The following PDGFD variants were observed in gnomAD, a reference collection of about 807,000 sequenced individuals.
PDGFD encodes the protein platelet derived growth factor D, also known as platelet-derived growth factor D.
A neutral mutation model predicts 44.7 loss-of-function variants in PDGFD; 30 were observed. The ratio of observed to expected loss-of-function variants is 0.67; its 90% confidence interval spans 0.50 to 0.91. The LOEUF is 0.91. PDGFD is among the 40% of genes least tolerant of loss of function. The probability of loss-of-function intolerance (pLI) is 0.00; values close to 1 mark genes in which losing one functional copy is unlikely to be tolerated. For synonymous variants in PDGFD, 173 were observed against 168.4 expected, an observed-to-expected ratio of 1.03 and a Z score of -0.21; for missense variants, 445 against 457.8, an observed-to-expected ratio of 0.97 and a Z score of 0.25.
intron 1 of PDGFD, among the ~76,000 whole-genome samples, chr11:104,055,966 TAAAAAAC>T (rs1254557244): frequency 6.6e-6 from 1 of 152,098 alleles, no homozygotes; most frequent in Non-Finnish European, 1.5e-5. Flanking sequence ...ACAGGCCTAA[TAAAAAAC>T]AAAAATCAAT....
intron 6 of PDGFD, among the ~76,000 whole-genome samples, chr11:103,913,510 A>C (rs1251184734): frequency 6.6e-6 from 1 of 152,374 alleles, no homozygotes; most frequent in East Asian, 1.9e-4. Flanking sequence ...CAGTGTGTAG[A>C]GGGAAATTTA....
At chr11:103,934,373 G>A (rs1858454571) in intron 5 of PDGFD, among the ~76,000 whole-genome samples, 1 of 152,144 alleles carries the variant, frequency 6.6e-6, no homozygotes, top group Non-Finnish European at 1.5e-5. Flanking sequence ...TTCTGTAATT[G>A]GTGATTACTA....
At chr11:104,140,198 G>T (rs1050004809) in intron 1 of PDGFD, among the ~76,000 whole-genome samples, 18 of 152,154 alleles carry the variant, frequency 1.2e-4, no homozygotes, top group African/African-American at 4.1e-4. Flanking sequence ...TTGAATATCA[G>T]AACAAATATA....
At chr11:103,923,377 T>C (rs949478827) in intron 6 of PDGFD, among the ~76,000 whole-genome samples, 1 of 152,136 alleles carries the variant, frequency 6.6e-6, no homozygotes, top group African/African-American at 2.4e-5. Flanking sequence ...AAAAAAGCAA[T>C]ATTAGCTTCG....
At chr11:104,096,778 G>A (rs1204397979) in intron 1 of PDGFD, among the ~76,000 whole-genome samples, 2 of 152,130 alleles carry the variant, frequency 1.3e-5, no homozygotes, top group Non-Finnish European at 2.9e-5. Context: ...GGTGTAGAAT[G>A]TAAATTTGAA....
intron 3 of PDGFD, among the ~76,000 whole-genome samples, chr11:103,992,939 C>T (rs575428851): frequency 1.8e-4 from 28 of 152,076 alleles, no homozygotes; most frequent in Non-Finnish European, 4.0e-4. Context: ...AGAGATGTTC[C>T]ATGGGAGGTA....
At chr11:104,092,068 C>T (rs1261773066) in intron 1 of PDGFD, among the ~76,000 whole-genome samples, 1 of 151,250 alleles carries the variant, frequency 6.6e-6, no homozygotes, top group African/African-American at 2.4e-5. Flanking sequence ...GATGAAGAAA[C>T]TAAAGCTTTG....
At chr11:103,949,895 G>A (rs1361968628) in intron 3 of PDGFD, among the ~76,000 whole-genome samples, 4 of 152,202 alleles carry the variant, frequency 2.6e-5, no homozygotes, top group Admixed American at 6.5e-5. Flanking sequence ...TGCAGAAAAC[G>A]CGGGTAGAAG....
intron 3 of PDGFD, among the ~76,000 whole-genome samples, chr11:103,953,879 T>C (rs370977318): frequency 6.6e-6 from 1 of 152,190 alleles, no homozygotes; most frequent in Non-Finnish European, 1.5e-5. Flanking sequence ...TTGGCTCTAC[T>C]AAAACATGGC....
At chr11:103,964,720 T>C (rs1289289975) in intron 3 of PDGFD, among the ~76,000 whole-genome samples, 1 of 151,976 alleles carries the variant, frequency 6.6e-6, no homozygotes, top group Admixed American at 6.6e-5. Flanking sequence ...CTCTGTGAGG[T>C]GCACAGGGAG....
At chr11:103,967,955 T>C (rs1482063385) in intron 3 of PDGFD, among the ~76,000 whole-genome samples, 1 of 152,186 alleles carries the variant, frequency 6.6e-6, no homozygotes, top group Non-Finnish European at 1.5e-5. Context: ...CTTCATCCCA[T>C]GGCAGCCTGG....
At chr11:103,927,197 G>A in intron 5 of PDGFD, 71 bp from the exon 6 acceptor site, 1 of 1,352,692 alleles carries the variant, frequency 7.4e-7, no homozygotes, top group East Asian at 2.3e-5. Context: ...GTGTTTTGGG[G>A]AATAGAGTGG....
At position 104,095,092 on chromosome 11, in the gene PDGFD, T is replaced by C. The variant is rs544047776; in HGVS notation, c.124+68712A>G. Among the ~76,000 whole-genome samples the C allele has an allele frequency of 2.6e-5, 4 of 152,210 alleles. No individual in the cohort carries two copies. In the East Asian group the frequency reaches 5.8e-4, roughly 22 times the overall value. On this transcript the variant is annotated intron_variant, in intron 1 of 6. Transcript: ENST00000393158. ...TCCCTTCTCTCTTACCTTATTCACC[T>C]CCACTTACCCTTCAGATCTCAGTTT...
intron 5 of PDGFD, among the ~76,000 whole-genome samples, chr11:103,929,017 A>G (rs566216169): frequency 1.3e-5 from 2 of 152,180 alleles, no homozygotes; most frequent in Admixed American, 6.5e-5. Context: ...AAAGAGGTAC[A>G]ATTAGCAGGA....
At chr11:103,923,197 C>T (rs1370511248) in intron 6 of PDGFD, among the ~76,000 whole-genome samples, 1 of 152,026 alleles carries the variant, frequency 6.6e-6, no homozygotes, top group East Asian at 1.9e-4. Flanking sequence ...ATTTTTCCTA[C>T]TCTATATCTA....
At chr11:104,126,933 G>C (rs1362641427) in intron 1 of PDGFD, among the ~76,000 whole-genome samples, 1 of 152,052 alleles carries the variant, frequency 6.6e-6, no homozygotes, top group Non-Finnish European at 1.5e-5. Flanking sequence ...GGAAGCCTTG[G>C]TGATACAGCA....
chr11:104,122,698 A>G (rs897396787), intron 1 of PDGFD, among the ~76,000 whole-genome samples: 2 of 147,286 alleles, frequency 1.4e-5, no homozygotes, highest in African/African-American at 5.1e-5. Flanking sequence ...AATACTGAAA[A>G]TACAACTTAT....
At chr11:103,979,492 G>A (rs962237402) in intron 3 of PDGFD, among the ~76,000 whole-genome samples, 1 of 152,064 alleles carries the variant, frequency 6.6e-6, no homozygotes, top group African/African-American at 2.4e-5. Flanking sequence ...TGGCAGGGAG[G>A]TTTCACATTT....
intron 1 of PDGFD, among the ~76,000 whole-genome samples, chr11:104,026,553 T>C (rs767881804): frequency 2.0e-5 from 3 of 152,192 alleles, no homozygotes; most frequent in Non-Finnish European, 4.4e-5. Context: ...ATAATTCACC[T>C]GTTATCCCAT....
Sources: gnomAD v4.1 joint callset for allele counts (sites outside exome capture counted in the v4.1 genomes callset) on GRCh38, gnomAD v4.1.1 for gene constraint, MANE v1.5 for transcripts, NCBI Gene and HGNC (gene_info 2026-07-23, HGNC 2026-07-21) for gene names.